WDFY2: variants seen among roughly 807,000 people sequenced by gnomAD.
WDFY2 encodes the protein WD repeat and FYVE domain containing 2, also known as WD repeat and FYVE domain-containing protein 2.
WDFY2 carries 36 observed loss-of-function variants against 56.4 expected under a neutral mutation model. The observed-to-expected ratio is 0.64, with a 90% CI of 0.49 to 0.84. WDFY2 has a LOEUF of 0.84. Ranked by LOEUF, WDFY2 falls within the 40% of genes least tolerant of loss-of-function variation. The pLI, the probability that WDFY2 is intolerant of heterozygous loss-of-function variation, is 0.00. For missense variants in WDFY2, 444 were observed against 512.2 expected (o/e 0.87, Z 1.29); for synonymous variants, 176 against 183.7 (o/e 0.96, Z 0.34).
intron 3 of WDFY2, among the ~76,000 whole-genome samples, chr13:51,699,853 A>G (rs1241392328): frequency 6.6e-6 from 1 of 152,252 alleles, no homozygotes; most frequent in East Asian, 1.9e-4. Context: ...TCATATGGAT[A>G]TACTTGCAAA....
At chr13:51,708,450 C>T (rs990545589) in intron 4 of WDFY2, among the ~76,000 whole-genome samples, 2 of 151,624 alleles carry the variant, frequency 1.3e-5, no homozygotes, top group African/African-American at 4.8e-5. Flanking sequence ...TTGTACTCTA[C>T]CCTGGGTAAC....
In WDFY2 at chr13:51,759,658, T is replaced by A; in HGVS notation, c.1174-82T>A. ...GTGGTGGTTTGTTAAATGAAAAAAA[T>A]TTCCTTGAAGAATTCAGTTCTAAGG... On this transcript the variant is annotated intron_variant, in intron 11 of 11. Coordinates refer to ENST00000298125, the MANE Select transcript of WDFY2 (RefSeq NM_052950.4). 15 of 1,393,194 alleles carry A rather than the reference T, an allele frequency of 1.1e-5. No homozygotes were observed. The South Asian group carries it at 1.8e-4, about 17-fold the overall frequency. The allele number at this position is 1,393,194 out of a possible 1,614,324, so 86.3% of individuals were successfully genotyped here. A position where few individuals can be genotyped will look rare whatever the true frequency, so the allele number is the denominator to read the frequency against.
chr13:51,586,535 A>C (rs560654460), intron 1 of WDFY2: 1 of 152,520 alleles, frequency 6.6e-6, no homozygotes, highest in East Asian at 1.9e-4. Flanking sequence ...GACCATCCTA[A>C]GCTCCTTTAA....
intron 2 of WDFY2, among the ~76,000 whole-genome samples, chr13:51,663,908 AAAAAG>A (rs1424970619): frequency 6.6e-6 from 1 of 152,250 alleles, no homozygotes; most frequent in African/African-American, 2.4e-5. Flanking sequence ...AGAAGAAAAT[AAAAAG>A]AAAATATTCT....
intron 4 of WDFY2, among the ~76,000 whole-genome samples, chr13:51,707,939 C>CTTTTTTTTTTTTTTTTTTTT (rs56054205): frequency 3.5e-5 from 2 of 57,562 alleles, no homozygotes; most frequent in Non-Finnish European, 6.0e-5. Flanking sequence ...CCTAAAACAA[C>CTTTTTTTTTTTTTTTTTTTT]TTTTTTTTTT....
intron 4 of WDFY2, among the ~76,000 whole-genome samples, chr13:51,712,529 C>G (rs1274328161): frequency 6.6e-6 from 1 of 151,954 alleles, no homozygotes; most frequent in Non-Finnish European, 1.5e-5. Flanking sequence ...AACTAAACAT[C>G]TATATTAGAA....
chr13:51,688,816 AT>A, intron 3 of WDFY2, among the ~76,000 whole-genome samples: 1 of 152,138 alleles, frequency 6.6e-6, no homozygotes. Flanking sequence ...GTTTTGAGCT[AT>A]TTTTTCTTTT....
intron 3 of WDFY2, among the ~76,000 whole-genome samples, chr13:51,691,841 C>T (rs1159258545): frequency 4.0e-5 from 6 of 151,820 alleles, no homozygotes; most frequent in Non-Finnish European, 8.8e-5. Flanking sequence ...ATGGAATGTT[C>T]TTCCATTTGT....
chr13:51,604,364 A>G (rs1272495705), intron 1 of WDFY2, among the ~76,000 whole-genome samples: 2 of 152,206 alleles, frequency 1.3e-5, no homozygotes, highest in South Asian at 2.1e-4. Context: ...TCTGCCAAAC[A>G]GAAACTCAGA....
chr13:51,584,620 C>A lies in WDFY2; in HGVS notation c.-68C>A. ...TCTGTCTCAACCTGTGTCCGTGCTC[C>A]AGCAGTCTCCTCAGCCCGGCCCCGC... On this transcript the variant is annotated 5_prime_UTR_variant, in exon 1 of 12. Transcript: ENST00000298125. 6.5e-7 allele frequency: 1 copy of A among 1,541,710 alleles called. No individual in the cohort carries two copies. The highest frequency in any genetic ancestry group is 1.2e-5 in the South Asian group (1 of 83,034).
chr13:51,682,375 G>A (rs1385423503), intron 3 of WDFY2, among the ~76,000 whole-genome samples: 1 of 152,132 alleles, frequency 6.6e-6, no homozygotes, highest in Non-Finnish European at 1.5e-5. Context: ...CATATATTCA[G>A]CATAAACTCT....
At chr13:51,730,483 C>T (rs1952699956) in intron 6 of WDFY2, among the ~76,000 whole-genome samples, 1 of 152,182 alleles carries the variant, frequency 6.6e-6, no homozygotes, top group African/African-American at 2.4e-5. Context: ...TGTGCTGTCC[C>T]TTGTCATCTC....
chr13:51,684,328 C>T (rs1043052431), intron 3 of WDFY2, among the ~76,000 whole-genome samples: 1 of 150,886 alleles, frequency 6.6e-6, no homozygotes, highest in Non-Finnish European at 1.5e-5. Context: ...AAAAAGATGC[C>T]TTCTAGTGGA....
intron 8 of WDFY2, 145 bp downstream of exon 8, chr13:51,751,560 GT>G (rs1203467004): frequency 8.9e-4 from 621 of 698,538 alleles, no homozygotes; most frequent in Middle Eastern, 1.6e-3. Context: ...TGTTTGGGTT[GT>G]TTTTTTTTTC....
chr13:51,641,218 G>A (rs1042610023), intron 1 of WDFY2, among the ~76,000 whole-genome samples: 6 of 151,810 alleles, frequency 4.0e-5, no homozygotes, highest in African/African-American at 1.4e-4. Flanking sequence ...GATTATAGGC[G>A]CCTGCTGCGC....
At chr13:51,673,829 G>A (rs1447293796) in intron 2 of WDFY2, among the ~76,000 whole-genome samples, 1 of 152,142 alleles carries the variant, frequency 6.6e-6, no homozygotes, top group Non-Finnish European at 1.5e-5. Flanking sequence ...TTGTAGCTAA[G>A]TAGAAAGAAG....
intron 4 of WDFY2, among the ~76,000 whole-genome samples, chr13:51,716,790 A>C (rs1228184363): frequency 6.6e-6 from 1 of 151,810 alleles, no homozygotes; most frequent in South Asian, 2.1e-4. Flanking sequence ...AAAAAAAAAA[A>C]AAACTAGCAA....
intron 4 of WDFY2, among the ~76,000 whole-genome samples, chr13:51,706,242 A>G (rs1004422001): frequency 6.6e-6 from 1 of 152,240 alleles, no homozygotes; most frequent in African/African-American, 2.4e-5. Context: ...ATACAATACT[A>G]GGCTCATGGG....
At chr13:51,669,504 ATTTCATTGC>A (rs2138484904) in intron 2 of WDFY2, among the ~76,000 whole-genome samples, 1 of 152,270 alleles carries the variant, frequency 6.6e-6, no homozygotes, top group African/African-American at 2.4e-5. Context: ...TTATTTGTGC[ATTTCATTGC>A]TTCCTAAATT....
Sources: allele counts gnomAD v4.1 joint callset (sites outside exome capture counted in the v4.1 genomes callset), GRCh38; gene constraint gnomAD v4.1.1; transcripts MANE v1.5; gene names NCBI Gene and HGNC (gene_info 2026-07-23, HGNC 2026-07-21).